The following SLC23A2 variants were observed in gnomAD, a reference collection of about 807,000 sequenced individuals.
SLC23A2 encodes solute carrier family 23 member 2.
In SLC23A2, 36 loss-of-function variants were observed where a neutral mutation model predicts 73.3. The observed-to-expected ratio is 0.49, with a 90% CI of 0.38 to 0.65. SLC23A2 has a LOEUF of 0.65. SLC23A2 is among the 30% of genes least tolerant of loss of function. The probability of loss-of-function intolerance (pLI) is 0.00; values close to 1 mark genes in which losing one functional copy is unlikely to be tolerated. For missense variants in SLC23A2, 507 were observed against 841.6 expected (o/e 0.60, Z 4.92); for synonymous variants, 343 against 327.3 (o/e 1.05, Z -0.52).
chr20:4,900,299 ATTC>A (rs1489865149), intron 5 of SLC23A2, among the ~76,000 whole-genome samples: 1 of 152,232 alleles, frequency 6.6e-6, no homozygotes, highest in African/African-American at 2.4e-5. Context: ...TACTTATGTA[ATTC>A]TTATTAGAAA....
intron 1 of SLC23A2, among the ~76,000 whole-genome samples, chr20:4,982,541 G>A (rs1164025903): frequency 1.3e-5 from 2 of 152,004 alleles, no homozygotes; most frequent in African/African-American, 2.4e-5. Flanking sequence ...AAATACACAG[G>A]ACCCAGAATA....
intron 12 of SLC23A2, among the ~76,000 whole-genome samples, chr20:4,869,333 C>CA (rs113853349): frequency 0.26 from 27,959 of 109,470 alleles, 2,717 homozygotes; most frequent in Middle Eastern, 0.38. Flanking sequence ...AACAAACAAA[C>CA]AAAAAAAAAA....
At chr20:4,950,854 G>C (rs1007421628) in intron 2 of SLC23A2, among the ~76,000 whole-genome samples, 3 of 152,200 alleles carry the variant, frequency 2.0e-5, no homozygotes, top group Non-Finnish European at 2.9e-5. Flanking sequence ...ACAATTCCTG[G>C]AGAAAAGCAG....
chr20:4,975,741 C>T (rs1486228664), intron 1 of SLC23A2, among the ~76,000 whole-genome samples: 6 of 149,802 alleles, frequency 4.0e-5, no homozygotes, highest in Non-Finnish European at 7.4e-5. Context: ...TGGTTTTGAT[C>T]TTGATTTCTT....
At chr20:4,960,188 C>T (rs1052133616) in intron 2 of SLC23A2, among the ~76,000 whole-genome samples, 2 of 151,786 alleles carry the variant, frequency 1.3e-5, no homozygotes, top group African/African-American at 4.9e-5. Context: ...ACCACATGGC[C>T]TATCTCTATT....
chr20:4,936,532 C>T (rs928883360), intron 2 of SLC23A2, among the ~76,000 whole-genome samples: 1 of 152,136 alleles, frequency 6.6e-6, no homozygotes, highest in African/African-American at 2.4e-5. Context: ...AAGCGATCAT[C>T]CTGCCTCAGC....
intron 2 of SLC23A2, among the ~76,000 whole-genome samples, chr20:4,957,372 G>A (rs959411760): frequency 6.6e-6 from 1 of 151,948 alleles, no homozygotes; most frequent in African/African-American, 2.4e-5. Flanking sequence ...TGAGGCAGGA[G>A]GATGGGTTGA....
intron 9 of SLC23A2, among the ~76,000 whole-genome samples, chr20:4,882,940 T>C (rs983674851): frequency 3.3e-5 from 5 of 152,218 alleles, no homozygotes; most frequent in African/African-American, 9.6e-5. Context: ...CTCTTAAACA[T>C]GCTCTGCAGA....
intron 2 of SLC23A2, among the ~76,000 whole-genome samples, chr20:4,941,567 T>C (rs753243887): frequency 6.6e-6 from 1 of 151,832 alleles, no homozygotes; most frequent in Non-Finnish European, 1.5e-5. Flanking sequence ...CCAGGCGTGG[T>C]GGAGCATGCC....
chr20:4,971,838 T>C (rs1263305971), intron 1 of SLC23A2, among the ~76,000 whole-genome samples: 1 of 152,032 alleles, frequency 6.6e-6, no homozygotes, highest in Non-Finnish European at 1.5e-5. Flanking sequence ...TCTCCATTGA[T>C]AACTTTTAAA....
At chr20:5,000,328 C>T (rs543460355) in intron 1 of SLC23A2, among the ~76,000 whole-genome samples, 11 of 152,240 alleles carry the variant, frequency 7.2e-5, no homozygotes, top group African/African-American at 2.2e-4. Context: ...AATGCTCCAG[C>T]CACCCCAATT....
chr20:4,993,462 T>TA (rs1390556254), intron 1 of SLC23A2, among the ~76,000 whole-genome samples: 2 of 147,586 alleles, frequency 1.4e-5, no homozygotes, highest in Non-Finnish European at 3.0e-5. Context: ...TTTCTAGTCA[T>TA]AAGCACTTCG....
intron 2 of SLC23A2, among the ~76,000 whole-genome samples, chr20:4,951,191 AAAGG>A (rs1441315796): frequency 6.6e-6 from 1 of 152,244 alleles, no homozygotes; most frequent in Non-Finnish European, 1.5e-5. Context: ...CAGTTGGAAT[AAAGG>A]AAGAAAAACA....
At chr20:4,944,929 G>A (rs540820233) in intron 2 of SLC23A2, among the ~76,000 whole-genome samples, 1 of 151,418 alleles carries the variant, frequency 6.6e-6, no homozygotes, top group Admixed American at 6.6e-5. Context: ...AGTCAGAAAA[G>A]ACTGTTGGAA....
chr20:4,870,186 T>C, intron 11 of SLC23A2, 133 bp from the exon 12 acceptor site: 1 of 763,416 alleles, frequency 1.3e-6, no homozygotes, highest in Non-Finnish European at 2.1e-6. Context: ...ATGGAAACTG[T>C]TCATTTTAAA....
chr20:4,995,993 G>T (rs954906100), intron 1 of SLC23A2, among the ~76,000 whole-genome samples: 1 of 152,166 alleles, frequency 6.6e-6, no homozygotes, highest in Non-Finnish European at 1.5e-5. Flanking sequence ...TAATGGAACA[G>T]AATTCAAGAC....
At chr20:4,954,718 A>G (rs1398470783) in intron 2 of SLC23A2, among the ~76,000 whole-genome samples, 1 of 130,962 alleles carries the variant, frequency 7.6e-6, no homozygotes, top group Non-Finnish European at 1.6e-5. Flanking sequence ...AAAAAAAAAG[A>G]AAGAAAGAAA....
intron 2 of SLC23A2, among the ~76,000 whole-genome samples, chr20:4,939,309 G>C (rs767828034): frequency 2.0e-5 from 3 of 152,078 alleles, no homozygotes; most frequent in Non-Finnish European, 4.4e-5. Context: ...GAGTGGTTTT[G>C]TTTAATAATC....
intron 15 of SLC23A2, among the ~76,000 whole-genome samples, chr20:4,860,016 C>T (rs1005415034): frequency 2.6e-5 from 4 of 152,208 alleles, no homozygotes; most frequent in Non-Finnish European, 5.9e-5. Flanking sequence ...AACCCTCGTA[C>T]ATGGCTAATG....
Sources: gnomAD v4.1 joint callset for allele counts (sites outside exome capture counted in the v4.1 genomes callset) on GRCh38, gnomAD v4.1.1 for gene constraint, MANE v1.5 for transcripts, NCBI Gene and HGNC (gene_info 2026-07-23, HGNC 2026-07-21) for gene names.